DYNC2I2: variants seen among roughly 807,000 people sequenced by gnomAD.
The protein encoded by DYNC2I2 is dynein 2 intermediate chain 2, also known as cytoplasmic dynein 2 intermediate chain 2.
DYNC2I2 carries 39 observed loss-of-function variants against 52.0 expected under a neutral mutation model. The ratio of observed to expected loss-of-function variants is 0.75; its 90% confidence interval spans 0.58 to 0.98. DYNC2I2 has a LOEUF of 0.98. DYNC2I2 is among the 50% of genes least tolerant of loss of function. DYNC2I2 has a pLI of 0.00. For missense variants in DYNC2I2, 743 were observed against 728.4 expected, an observed-to-expected ratio of 1.02 and a Z score of -0.23; for synonymous variants, 359 against 321.1, an observed-to-expected ratio of 1.12 and a Z score of -1.26.
At chr9:128,646,198 TTC>T (rs776129211) in intron 1 of DYNC2I2, among the ~76,000 whole-genome samples, 44 of 152,240 alleles carry the variant, frequency 2.9e-4, no homozygotes, top group Non-Finnish European at 5.1e-4. Flanking sequence ...ACAATAGATT[TTC>T]TTTTTGTTGT....
the DYNC2I2 span, among the ~76,000 whole-genome samples, chr9:128,683,152 G>A: frequency 1.3e-5 from 2 of 151,848 alleles, no homozygotes; most frequent in Non-Finnish European, 1.5e-5. Flanking sequence ...CCACCACCAC[G>A]CCCAGCTAAA....
At chr9:128,635,062 G>A (rs762628476) in intron 6 of DYNC2I2, 30 bp downstream of exon 6, 2 of 1,599,276 alleles carry the variant, frequency 1.3e-6, no homozygotes, top group Non-Finnish European at 1.7e-6. Flanking sequence ...CACCGGCGCA[G>A]GCCAGGGCAG....
intron 1 of DYNC2I2, among the ~76,000 whole-genome samples, chr9:128,642,476 A>G (rs1860533524): frequency 9.2e-6 from 1 of 108,506 alleles, no homozygotes; most frequent in Non-Finnish European, 2.1e-5. Context: ...AAAAAAAAAA[A>G]ATTACTTATT....
chr9:128,650,526 C>CAT (rs57194999), intron 1 of DYNC2I2, among the ~76,000 whole-genome samples: 710 of 41,420 alleles, frequency 0.017, 219 homozygotes, highest in South Asian at 0.03. Context: ...GGCCAAAGAC[C>CAT]ATATATATAT....
At chr9:128,666,237 G>A in the DYNC2I2 span, among the ~76,000 whole-genome samples, 6 of 148,134 alleles carry the variant, frequency 4.1e-5, no homozygotes, top group African/African-American at 1.5e-4. Flanking sequence ...TTAGCCGGGC[G>A]TGGGCATGGT....
At chr9:128,669,176 T>C in the DYNC2I2 span, among the ~76,000 whole-genome samples, 3 of 151,732 alleles carry the variant, frequency 2.0e-5, no homozygotes, top group South Asian at 2.1e-4. Context: ...CCATCCTGGC[T>C]AACACGGTGA....
upstream of DYNC2I2, among the ~76,000 whole-genome samples, chr9:128,660,567 T>G (rs1860906480): frequency 6.6e-6 from 1 of 151,546 alleles, no homozygotes; most frequent in Non-Finnish European, 1.5e-5. Flanking sequence ...AACTAATTTT[T>G]TGTATGTTCA....
intron 5 of DYNC2I2, 80 bp downstream of exon 5, chr9:128,635,578 G>A (rs1168131338): frequency 8.3e-6 from 11 of 1,323,054 alleles, no homozygotes; most frequent in East Asian, 2.5e-5. Context: ...CCAACGCCCG[G>A]GTGACCTTCC....
chr9:128,634,836 C>T lies in DYNC2I2; in HGVS notation c.1067G>A (p.Gly356Asp). The T allele has an allele frequency of 1.2e-6, 2 of 1,613,464 alleles. No individual in the cohort carries two copies. The highest frequency in any genetic ancestry group is 1.7e-6 in the Non-Finnish European group (2 of 1,179,926). Residue 356 changes from glycine (G) to aspartate (D), a missense_variant, in exon 7 of 9, where the codon GGC becomes GAC. By Grantham distance (94) the Gly-to-Asp change is moderately conservative. Coordinates refer to ENST00000372715, the MANE Select transcript of DYNC2I2 (RefSeq NM_052844.4). ...CAGGGAACACTTGAGCGGGAAGCCG[C>T]CTTCCGTGCCCAGAATGAACAGCCT... ...DPRLFILGTE[G>D]GFPLKCSLAA... is the part of the protein sequence containing the mutation.
chr9:128,674,718 G>A, the DYNC2I2 span, among the ~76,000 whole-genome samples: 3 of 152,110 alleles, frequency 2.0e-5, no homozygotes, highest in Non-Finnish European at 4.4e-5. Context: ...ACTCCAGCCT[G>A]AGAGAGAGAT....
intron 1 of DYNC2I2, among the ~76,000 whole-genome samples, chr9:128,646,725 G>A (rs1860623553): frequency 6.6e-6 from 1 of 150,510 alleles, no homozygotes; most frequent in Non-Finnish European, 1.5e-5. Context: ...GCTCATGCCT[G>A]TAATCCCAGC....
At chr9:128,646,215 T>G (rs1039740034) in intron 1 of DYNC2I2, among the ~76,000 whole-genome samples, 2 of 152,164 alleles carry the variant, frequency 1.3e-5, no homozygotes, top group African/African-American at 4.8e-5. Flanking sequence ...TGTTGTTGTT[T>G]TTTTGTTTTT....
chr9:128,636,971 C>A lies in DYNC2I2; in HGVS notation c.492G>T (p.Val164=). The A allele has an allele frequency of 6.2e-7, 1 of 1,613,506 alleles. No individual in the cohort carries two copies. Among genetic ancestry groups the A allele is most frequent in the Non-Finnish European group, 8.5e-7 (1 of 1,180,006 alleles). The change falls in exon 3 of 9, where the codon GTG becomes GTT. Residue 164 remains valine (V), a synonymous_variant. Coordinates refer to ENST00000372715, the MANE Select transcript of DYNC2I2 (RefSeq NM_052844.4). ...YPPAQAQGLH[V]TSISWNSTGS... is the part of the protein sequence containing the mutation. ...CAGTGGAGTTCCAGGAGATGCTGGT[C>A]ACATGCAGACCCTGCGCTTGGGCTG...
the DYNC2I2 span, among the ~76,000 whole-genome samples, chr9:128,673,728 G>A: frequency 5.3e-5 from 8 of 151,216 alleles, no homozygotes; most frequent in African/African-American, 1.5e-4. Context: ...GGATGGTCTC[G>A]ATCTCCTGAC....
At chr9:128,637,109 G>C in intron 2 of DYNC2I2, 82 bp from the exon 3 acceptor site, 1 of 930,116 alleles carries the variant, frequency 1.1e-6, no homozygotes, top group Non-Finnish European at 1.7e-6. Flanking sequence ...CCTAGGCCAG[G>C]CCACCCTTAG....
chr9:128,646,212 GTTTT>G (rs912140434), intron 1 of DYNC2I2, among the ~76,000 whole-genome samples: 10 of 152,222 alleles, frequency 6.6e-5, no homozygotes, highest in African/African-American at 2.2e-4. Context: ...TTTTGTTGTT[GTTTT>G]TTTGTTTTTG....
Position 128,634,280 on chromosome 9 carries a change from C to CA in DYNC2I2, c.1317dup (p.Ala440CysfsTer20). 1 of 1,613,882 alleles carries CA rather than the reference C, an allele frequency of 6.2e-7. No individual in the cohort carries two copies. The highest frequency in any genetic ancestry group is 8.5e-7 in the Non-Finnish European group (1 of 1,180,006). On this transcript the variant is annotated frameshift_variant, in exon 8 of 9. Coordinates refer to ENST00000372715, the MANE Select transcript of DYNC2I2 (RefSeq NM_052844.4). LOFTEE classifies it high-confidence loss of function. ...GGCCGCACTGGGGACCAGCGCACAG[C>CA]AAACAGATACTTGAGGGAGAGCTGC...
At chr9:128,658,657 T>G (rs999520792), upstream of DYNC2I2, among the ~76,000 whole-genome samples, 1 of 151,556 alleles carries the variant, frequency 6.6e-6, no homozygotes, top group Non-Finnish European at 1.5e-5. Context: ...GAGATGGGGT[T>G]TCACCGTGTT....
chr9:128,683,876 T>C, the DYNC2I2 span: 20 of 1,542,738 alleles, frequency 1.3e-5, no homozygotes, highest in South Asian at 1.8e-4. Context: ...GTGGTCTGGT[T>C]CTGGGACTTC....
Sources: gnomAD v4.1 joint callset for allele counts (sites outside exome capture counted in the v4.1 genomes callset) on GRCh38, gnomAD v4.1.1 for gene constraint, MANE v1.5 for transcripts, NCBI Gene and HGNC (gene_info 2026-07-23, HGNC 2026-07-21) for gene names.